The following CLOCK variants were observed in gnomAD, a reference collection of about 807,000 sequenced individuals.
The protein encoded by CLOCK is clock circadian regulator.
A neutral mutation model predicts 118.4 loss-of-function variants in CLOCK; 43 were observed. The ratio of observed to expected loss-of-function variants is 0.36; its 90% confidence interval spans 0.28 to 0.47. The LOEUF (loss-of-function observed/expected upper bound fraction) is 0.47. CLOCK is among the 20% of genes least tolerant of loss of function. The pLI is 1.00. For synonymous variants in CLOCK, 326 were observed against 339.2 expected (o/e 0.96, Z 0.43); for missense variants, 846 against 999.9 (o/e 0.85, Z 2.08).
intron 2 of CLOCK, among the ~76,000 whole-genome samples, chr4:55,503,145 G>C (rs1159948625): frequency 1.3e-5 from 2 of 152,152 alleles, no homozygotes; most frequent in Non-Finnish European, 2.9e-5. Context: ...TTCACTCTTA[G>C]GTGTCTACTC....
chr4:55,542,720 T>A (rs910237333), intron 1 of CLOCK, among the ~76,000 whole-genome samples: 14 of 152,052 alleles, frequency 9.2e-5, no homozygotes, highest in Non-Finnish European at 1.5e-5. Flanking sequence ...CTAAATTTTA[T>A]CCAAGTCAGT....
intron 1 of CLOCK, among the ~76,000 whole-genome samples, chr4:55,514,700 GGATT>G (rs1375706904): frequency 6.6e-6 from 1 of 151,910 alleles, no homozygotes; most frequent in Non-Finnish European, 1.5e-5. Flanking sequence ...TTAATGTAAT[GGATT>G]AATTTCTTAC....
intron 13 of CLOCK, among the ~76,000 whole-genome samples, chr4:55,454,288 G>GTTC (rs1374077201): frequency 6.6e-6 from 1 of 152,116 alleles, no homozygotes; most frequent in Non-Finnish European, 1.5e-5. Flanking sequence ...TGGATTTTAA[G>GTTC]TTCTGAAGCG....
At chr4:55,450,721 A>G (rs1415553653) in intron 15 of CLOCK, among the ~76,000 whole-genome samples, 2 of 152,076 alleles carry the variant, frequency 1.3e-5, no homozygotes, top group African/African-American at 4.8e-5. Flanking sequence ...GTGAGCCGAG[A>G]TCCTGCCACT....
intron 8 of CLOCK, among the ~76,000 whole-genome samples, chr4:55,468,248 C>T (rs1725870603): frequency 6.6e-6 from 1 of 152,114 alleles, no homozygotes; most frequent in African/African-American, 2.4e-5. Context: ...GTGTGAGCCA[C>T]TGCACCCAGA....
intron 13 of CLOCK, among the ~76,000 whole-genome samples, chr4:55,454,883 ACTCT>A (rs768424649): frequency 2.4e-4 from 17 of 71,504 alleles, no homozygotes; most frequent in Non-Finnish European, 2.9e-4. Context: ...ACCGCCTCTC[ACTCT>A]CTAAGGAGGA....
At chr4:55,469,885 T>A (rs1278604158) in intron 8 of CLOCK, among the ~76,000 whole-genome samples, 1 of 152,056 alleles carries the variant, frequency 6.6e-6, no homozygotes, top group East Asian at 1.9e-4. Flanking sequence ...ATTTTTATGT[T>A]TTTTTAAAGA....
At chr4:55,486,887 C>T (rs1021645320) in intron 3 of CLOCK, among the ~76,000 whole-genome samples, 1 of 152,108 alleles carries the variant, frequency 6.6e-6, no homozygotes, top group African/African-American at 2.4e-5. Context: ...AACTCATGTC[C>T]TCTAATTCTG....
rs1553900254 is a variant in CLOCK, at chr4:55,503,978, T to TAAAAGAAAAA, written c.-136+5933_-136+5934insTTTTTCTTTT. Among the ~76,000 whole-genome samples the TAAAAGAAAAA allele has an allele frequency of 1.4e-3, 103 of 71,142 alleles. 5 individuals are homozygous for TAAAAGAAAAA. The highest frequency in any genetic ancestry group is 2.1e-3 in the Non-Finnish European group (82 of 39,412). 46.7% of individuals were successfully genotyped at this position (71,142 alleles called of 152,430 possible). ...ACAGTTTCTATTTGGCAAAAAGAGG[T>TAAAAGAAAAA]AAAAAAAAAAAAAAAAAAAAAAAAA... On this transcript the variant is annotated intron_variant, in intron 2 of 22. Transcript: ENST00000513440.
At chr4:55,462,414 G>C (rs563141696) in intron 9 of CLOCK, among the ~76,000 whole-genome samples, 2 of 152,130 alleles carry the variant, frequency 1.3e-5, no homozygotes, top group African/African-American at 4.8e-5. Flanking sequence ...AGTCTCCCAA[G>C]TAGCTGGGAC....
chr4:55,456,085 G>T, intron 12 of CLOCK, 82 bp from the exon 13 acceptor site: 1 of 1,196,946 alleles, frequency 8.4e-7, no homozygotes, highest in Non-Finnish European at 1.2e-6. Context: ...TTTGGGGGGG[G>T]GGCTTTATTT....
At chr4:55,463,359 A>G (rs1426868226) in intron 9 of CLOCK, among the ~76,000 whole-genome samples, 1 of 151,992 alleles carries the variant, frequency 6.6e-6, no homozygotes, top group Non-Finnish European at 1.5e-5. Context: ...ATTTTCCCTT[A>G]TTAAATACAG....
chr4:55,529,179 GAGAC>G (rs1447930580), intron 1 of CLOCK, among the ~76,000 whole-genome samples: 1 of 152,104 alleles, frequency 6.6e-6, no homozygotes. Flanking sequence ...GTTTTTAAAA[GAGAC>G]AGTCTTACTT....
chr4:55,439,954 A>G (rs1723216046), intron 21 of CLOCK, among the ~76,000 whole-genome samples: 1 of 152,064 alleles, frequency 6.6e-6, no homozygotes, highest in South Asian at 2.1e-4. Flanking sequence ...GTGACAATGA[A>G]CTGTATATTT....
chr4:55,447,402 G>A (rs1430006946), intron 18 of CLOCK, among the ~76,000 whole-genome samples: 2 of 152,088 alleles, frequency 1.3e-5, no homozygotes, highest in Admixed American at 1.3e-4. Flanking sequence ...TCATACAAAT[G>A]TTATTTTATT....
intron 2 of CLOCK, among the ~76,000 whole-genome samples, chr4:55,495,333 C>T (rs1727993949): frequency 6.6e-6 from 1 of 152,150 alleles, no homozygotes; most frequent in Non-Finnish European, 1.5e-5. Context: ...TTACTTGCTC[C>T]CAGCTGTAAC....
chr4:55,467,639 T>C (rs1195506852), intron 8 of CLOCK, among the ~76,000 whole-genome samples: 1 of 152,240 alleles, frequency 6.6e-6, no homozygotes, highest in Non-Finnish European at 1.5e-5. Context: ...ATTATACTTA[T>C]TTTAAATTAC....
intron 1 of CLOCK, among the ~76,000 whole-genome samples, chr4:55,533,484 C>T (rs528000287): frequency 9.9e-5 from 15 of 152,094 alleles, no homozygotes; most frequent in African/African-American, 2.9e-4. Flanking sequence ...TTTTGATTTC[C>T]GAATATTTTT....
chr4:55,477,856 T>C (rs1045701704), intron 6 of CLOCK, among the ~76,000 whole-genome samples: 1 of 151,624 alleles, frequency 6.6e-6, no homozygotes, highest in Non-Finnish European at 1.5e-5. Flanking sequence ...GAGGAGAAAG[T>C]ACAATATAAG....
Sources: gnomAD v4.1 joint callset for allele counts (sites outside exome capture counted in the v4.1 genomes callset) on GRCh38, gnomAD v4.1.1 for gene constraint, MANE v1.5 for transcripts, NCBI Gene and HGNC (gene_info 2026-07-23, HGNC 2026-07-21) for gene names.